The following IPCEF1 variants were observed in gnomAD, a reference collection of about 807,000 sequenced individuals.
IPCEF1 encodes interaction protein for cytohesin exchange factors 1.
IPCEF1 carries 31 observed loss-of-function variants against 50.9 expected under a neutral mutation model. That is an observed-to-expected ratio of 0.61 (90% CI 0.46 to 0.82). The LOEUF (loss-of-function observed/expected upper bound fraction) is 0.82, where lower values mean the gene tolerates loss of function less well. Among genes scored for constraint, IPCEF1 ranks in the 40% least tolerant of loss-of-function variants. The pLI, the probability that IPCEF1 is intolerant of heterozygous loss-of-function variation, is 0.00. For synonymous variants in IPCEF1, 181 were observed against 192.0 expected, an observed-to-expected ratio of 0.94 and a Z score of 0.47; for missense variants, 458 against 514.0, an observed-to-expected ratio of 0.89 and a Z score of 1.05.
chr6:154,247,206 C>A (rs1270211410), intron 4 of IPCEF1: 1 of 516,234 alleles, frequency 1.9e-6, no homozygotes, highest in Non-Finnish European at 3.5e-6. Flanking sequence ...TACACAGCTA[C>A]TTCCCGACTC....
At chr6:154,230,040 C>T (rs34503006) in intron 5 of IPCEF1, among the ~76,000 whole-genome samples, 9,625 of 151,910 alleles carry the variant, frequency 0.063, 354 homozygotes, top group Non-Finnish European at 0.071. Flanking sequence ...GAAAGCAGGA[C>T]GGTGGTTGCC....
chr6:154,248,139 G>A (rs983015136), intron 3 of IPCEF1, among the ~76,000 whole-genome samples: 5 of 152,034 alleles, frequency 3.3e-5, no homozygotes, highest in Admixed American at 1.3e-4. Context: ...TATTTCTCAC[G>A]TTTTATGGAA....
At chr6:154,193,199 G>A (rs541197495) in intron 10 of IPCEF1, among the ~76,000 whole-genome samples, 13 of 152,254 alleles carry the variant, frequency 8.5e-5, no homozygotes, top group Admixed American at 5.2e-4. Flanking sequence ...AAAAAGGAAC[G>A]AAATAATGGC....
intron 10 of IPCEF1, among the ~76,000 whole-genome samples, chr6:154,191,406 G>C (rs1043740918): frequency 6.6e-6 from 1 of 152,112 alleles, no homozygotes; most frequent in Non-Finnish European, 1.5e-5. Flanking sequence ...AGGCGCGGTG[G>C]CTCACGTCTG....
At position 154,157,134 on chromosome 6, in the gene IPCEF1, A is replaced by T. The variant is rs1562513930; in HGVS notation, c.*2694T>A. The stretch of plus-strand genomic sequence containing the variant: ...ATCCAGTTTTCCCAATATTCTTTGG[A>T]CCAGAAAAGTGGCTTGAGGCCAAGA... On this transcript the variant is annotated 3_prime_UTR_variant, in exon 12 of 12. Coordinates refer to ENST00000367220, the MANE Select transcript of IPCEF1 (RefSeq NM_001130700.2). The T allele has an allele frequency of 6.6e-6, 1 of 152,210 alleles. No individual in the cohort carries two copies. The highest frequency in any genetic ancestry group is 1.5e-5 in the Non-Finnish European group (1 of 68,046). 9.4% of individuals were successfully genotyped at this position (152,210 alleles called of 1,614,324 possible).
At chr6:154,235,074 G>A (rs115943385) in intron 5 of IPCEF1, among the ~76,000 whole-genome samples, 1 of 152,190 alleles carries the variant, frequency 6.6e-6, no homozygotes, top group Non-Finnish European at 1.5e-5. Context: ...AAATGAATCA[G>A]AAGAAATTTG....
In IPCEF1 at chr6:154,319,155, C is replaced by T. The variant is rs1224635436; in HGVS notation, c.-61-29399G>A. On this transcript the variant is annotated intron_variant, in intron 1 of 11. Coordinates refer to ENST00000367220, the MANE Select transcript of IPCEF1 (RefSeq NM_001130700.2). Reference sequence around the variant, plus strand: ...ATGAAGTATATTAAAATTCATTCTGCTCTTTTCCCTTCCCTCCCCTTACCC... The same window carrying T: ...ATGAAGTATATTAAAATTCATTCTGTTCTTTTCCCTTCCCTCCCCTTACCC... Among the ~76,000 whole-genome samples the T allele has an allele frequency of 3.3e-5, 5 of 152,064 alleles. No individual in the cohort carries two copies. The East Asian group carries it at 9.6e-4, about 29-fold the overall frequency.
At chr6:154,353,582 C>T (rs186023518) in intron 1 of IPCEF1, among the ~76,000 whole-genome samples, 1 of 152,170 alleles carries the variant, frequency 6.6e-6, no homozygotes, top group African/African-American at 2.4e-5. Flanking sequence ...AGCCACCGCA[C>T]CCGGGCCTAT....
intron 11 of IPCEF1, among the ~76,000 whole-genome samples, chr6:154,163,552 T>A (rs1285415504): frequency 6.6e-6 from 1 of 152,218 alleles, no homozygotes; most frequent in Non-Finnish European, 1.5e-5. Context: ...TACTAAAACA[T>A]AAGCTTCCGG....
chr6:154,313,268 A>T (rs1783130466), intron 1 of IPCEF1, among the ~76,000 whole-genome samples: 1 of 151,646 alleles, frequency 6.6e-6, no homozygotes, highest in African/African-American at 2.4e-5. Context: ...TTAGCTACTC[A>T]GGAGGCTGAG....
intron 5 of IPCEF1, among the ~76,000 whole-genome samples, chr6:154,241,224 G>A (rs1011006658): frequency 1.8e-5 from 2 of 113,720 alleles, no homozygotes; most frequent in South Asian, 5.7e-4. Context: ...AACAAAGTGA[G>A]ACTCCATCTC....
chr6:154,275,779 C>T (rs955017094), intron 2 of IPCEF1, among the ~76,000 whole-genome samples: 23 of 151,702 alleles, frequency 1.5e-4, no homozygotes, highest in Admixed American at 3.9e-4. Context: ...GGCTAGAAGG[C>T]AGCCAAGAAA....
intron 1 of IPCEF1, among the ~76,000 whole-genome samples, chr6:154,294,462 G>C (rs1261001246): frequency 6.6e-6 from 1 of 152,154 alleles, no homozygotes; most frequent in Non-Finnish European, 1.5e-5. Flanking sequence ...GGAGGTCAAG[G>C]CTGGAGGATT....
At chr6:154,198,385 T>C (rs1776793280) in intron 10 of IPCEF1, among the ~76,000 whole-genome samples, 2 of 152,160 alleles carry the variant, frequency 1.3e-5, no homozygotes, top group South Asian at 4.1e-4. Flanking sequence ...TCCTTTCTCC[T>C]CCCTATGCTA....
chr6:154,269,320 G>A (rs550141523), intron 2 of IPCEF1, among the ~76,000 whole-genome samples: 9 of 152,230 alleles, frequency 5.9e-5, no homozygotes, highest in East Asian at 1.9e-4. Flanking sequence ...TACCTCCTTC[G>A]GTCAAAGAGC....
At chr6:154,264,226 C>T (rs1216601569) in intron 3 of IPCEF1, among the ~76,000 whole-genome samples, 1 of 151,154 alleles carries the variant, frequency 6.6e-6, no homozygotes, top group East Asian at 1.9e-4. Context: ...TCCTACAATG[C>T]ATGACTTCTT....
chr6:154,206,251 C>T (rs922926099), intron 9 of IPCEF1, among the ~76,000 whole-genome samples: 7 of 152,204 alleles, frequency 4.6e-5, no homozygotes, highest in African/African-American at 1.4e-4. Flanking sequence ...AACCTGGCTT[C>T]CTCATTTGTA....
At chr6:154,264,821 T>G (rs1157377020) in intron 3 of IPCEF1, among the ~76,000 whole-genome samples, 1 of 152,220 alleles carries the variant, frequency 6.6e-6, no homozygotes, top group Non-Finnish European at 1.5e-5. Context: ...AAAGGATGTT[T>G]CAGCCGCCCT....
chr6:154,212,683 T>C (rs1468561940), intron 9 of IPCEF1, 87 bp downstream of exon 9: 11 of 844,608 alleles, frequency 1.3e-5, no homozygotes, highest in South Asian at 1.7e-5. Context: ...TAAAAATTTA[T>C]TGGTCAAGCT....
Sources: allele counts gnomAD v4.1 joint callset (sites outside exome capture counted in the v4.1 genomes callset), GRCh38; gene constraint gnomAD v4.1.1; transcripts MANE v1.5; gene names NCBI Gene and HGNC (gene_info 2026-07-23, HGNC 2026-07-21).